Variants in MBD5 observed in about 807,000 individuals in gnomAD.
The protein encoded by MBD5 is methyl-CpG binding domain protein 5.
A neutral mutation model predicts 117.3 loss-of-function variants in MBD5; 13 were observed. The ratio of observed to expected loss-of-function variants is 0.11; its 90% CI spans 0.07 to 0.18. MBD5 has a LOEUF of 0.18. Among genes scored for constraint, MBD5 ranks in the 10% least tolerant of loss-of-function variants. The pLI, the probability that MBD5 is intolerant of heterozygous loss-of-function variation, is 1.00. For missense variants in MBD5, 1,879 were observed against 2,093.8 expected, an observed-to-expected ratio of 0.90 and a Z score of 2.00; for synonymous variants, 727 against 766.4, an observed-to-expected ratio of 0.95 and a Z score of 0.85.
intron 1 of MBD5, among the ~76,000 whole-genome samples, chr2:148,048,576 G>A (rs1694602602): frequency 6.6e-6 from 1 of 152,152 alleles, no homozygotes; most frequent in Non-Finnish European, 1.5e-5. Context: ...GCACTGACCT[G>A]AAGAATGAAG....
At chr2:148,117,860 G>C (rs1696677847) in intron 1 of MBD5, among the ~76,000 whole-genome samples, 1 of 152,166 alleles carries the variant, frequency 6.6e-6, no homozygotes, top group Non-Finnish European at 1.5e-5. Context: ...TAGGTTACTT[G>C]CTCAAGGTCT....
rs775202893 is a variant in MBD5 at position 148,355,302 on chromosome 2, CTT to C, written c.-557+12979_-557+12980del. Reference sequence around the variant, plus strand: ...ATTAGATCCCATTTGTCGATTTTGGCTTTTTTTTTTTTTTGCCATTGCTTTTG... The same window carrying C: ...ATTAGATCCCATTTGTCGATTTTGGCTTTTTTTTTTTTGCCATTGCTTTTG... On this transcript the variant is annotated intron_variant, in intron 4 of 13. Transcript: ENST00000642680. Among the ~76,000 whole-genome samples the C allele has an allele frequency of 4.9e-3, 641 of 129,764 alleles. 7 individuals are homozygous for C. Among genetic ancestry groups the C allele is most frequent in the African/African-American group, 0.016 (570 of 35,728 alleles). The allele number at this position is 129,764 out of a possible 152,430, so 85.1% of individuals were successfully genotyped here. A position where few individuals can be genotyped will look rare whatever the true frequency, so the allele number is the denominator to read the frequency against.
At chr2:148,084,207 C>T (rs1489111829) in intron 1 of MBD5, among the ~76,000 whole-genome samples, 1 of 152,158 alleles carries the variant, frequency 6.6e-6, no homozygotes, top group Non-Finnish European at 1.5e-5. Context: ...ATCACTTAGC[C>T]TTTTCCATGC....
chr2:148,397,878 C>T (rs539801207), intron 4 of MBD5, among the ~76,000 whole-genome samples: 1 of 151,600 alleles, frequency 6.6e-6, no homozygotes, highest in African/African-American at 2.4e-5. Context: ...GTTCAGTTCC[C>T]ACCTATGAGT....
intron 1 of MBD5, among the ~76,000 whole-genome samples, chr2:148,130,995 T>C (rs568551977): frequency 6.6e-6 from 1 of 152,312 alleles, no homozygotes; most frequent in East Asian, 1.9e-4. Context: ...CATTTCCTGA[T>C]AATACGAGAT....
intron 3 of MBD5, among the ~76,000 whole-genome samples, chr2:148,312,503 G>A (rs1258633626): frequency 1.3e-5 from 2 of 152,076 alleles, no homozygotes; most frequent in Non-Finnish European, 2.9e-5. Context: ...GCTCCATCAG[G>A]TCATTAGTGT....
chr2:148,203,368 G>A (rs1214433056), intron 2 of MBD5, among the ~76,000 whole-genome samples: 1 of 152,142 alleles, frequency 6.6e-6, no homozygotes, highest in Non-Finnish European at 1.5e-5. Flanking sequence ...AATGCAAATG[G>A]CTAATAAACC....
At chr2:148,391,872 A>G (rs1429210459) in intron 4 of MBD5, among the ~76,000 whole-genome samples, 4 of 152,222 alleles carry the variant, frequency 2.6e-5, no homozygotes, top group African/African-American at 7.2e-5. Context: ...GAACAAAGAT[A>G]TACAACATGT....
chr2:148,188,289 G>A (rs1189697668), intron 2 of MBD5, among the ~76,000 whole-genome samples: 1 of 152,108 alleles, frequency 6.6e-6, no homozygotes, highest in Non-Finnish European at 1.5e-5. Flanking sequence ...ATTTAAAATT[G>A]GGCTGTGATA....
chr2:148,059,250 T>A (rs1694960046), intron 1 of MBD5, among the ~76,000 whole-genome samples: 1 of 152,184 alleles, frequency 6.6e-6, no homozygotes, highest in East Asian at 1.9e-4. Context: ...GCTTTTTTAA[T>A]ATGAAAATAT....
intron 4 of MBD5, among the ~76,000 whole-genome samples, chr2:148,343,020 A>G (rs1268602895): frequency 6.6e-6 from 1 of 152,016 alleles, no homozygotes; most frequent in African/African-American, 2.4e-5. Flanking sequence ...GTGTGAGAAC[A>G]TGCGATATTT....
chr2:148,229,672 T>C (rs1056843005), intron 2 of MBD5, among the ~76,000 whole-genome samples: 1 of 152,170 alleles, frequency 6.6e-6, no homozygotes, highest in Non-Finnish European at 1.5e-5. Context: ...AGGACTTGAT[T>C]GTTGTGATCT....
At chr2:148,271,155 G>T (rs74591894) in intron 3 of MBD5, among the ~76,000 whole-genome samples, 22 of 152,000 alleles carry the variant, frequency 1.4e-4, no homozygotes, top group African/African-American at 4.8e-4. Context: ...AGATTTTTAG[G>T]CTCTAGGTAA....
At chr2:148,440,644 T>C (rs1168330360) in intron 4 of MBD5, among the ~76,000 whole-genome samples, 1 of 152,204 alleles carries the variant, frequency 6.6e-6, no homozygotes, top group Admixed American at 6.5e-5. Context: ...TTAAAGCACA[T>C]TGTTTGCATA....
At chr2:148,145,637 T>G (rs1261849720) in intron 1 of MBD5, among the ~76,000 whole-genome samples, 3 of 152,198 alleles carry the variant, frequency 2.0e-5, no homozygotes, top group Admixed American at 6.5e-5. Context: ...ATACCTAGTT[T>G]ATTGAGAGTT....
chr2:148,478,824 A>G (rs1375319060), intron 8 of MBD5, among the ~76,000 whole-genome samples: 1 of 152,206 alleles, frequency 6.6e-6, no homozygotes, highest in Non-Finnish European at 1.5e-5. Context: ...AACTTGTTCC[A>G]GGATCCCAGC....
At chr2:148,368,242 C>T (rs182386356) in intron 4 of MBD5, among the ~76,000 whole-genome samples, 103 of 152,140 alleles carry the variant, frequency 6.8e-4, no homozygotes, top group Non-Finnish European at 1.0e-3. Context: ...AACCAAACAC[C>T]GCATGTTCTC....
chr2:148,393,867 T>C (rs568224919), intron 4 of MBD5, among the ~76,000 whole-genome samples: 1 of 152,108 alleles, frequency 6.6e-6, no homozygotes, highest in South Asian at 2.1e-4. Flanking sequence ...CACAATACAG[T>C]GGAATGGGAG....
At chr2:148,158,677 T>C (rs528895335) in intron 1 of MBD5, among the ~76,000 whole-genome samples, 2 of 152,328 alleles carry the variant, frequency 1.3e-5, no homozygotes, top group South Asian at 2.1e-4. Flanking sequence ...ATACTAGATA[T>C]GTTCACATCC....
Sources: allele counts gnomAD v4.1 joint callset (sites outside exome capture counted in the v4.1 genomes callset), GRCh38; gene constraint gnomAD v4.1.1; transcripts MANE v1.5; gene names NCBI Gene and HGNC (gene_info 2026-07-23, HGNC 2026-07-21).